MARCHF1: variants seen among roughly 807,000 people sequenced by gnomAD.
MARCHF1 encodes membrane associated ring-CH-type finger 1.
MARCHF1 carries 40 observed loss-of-function variants against 54.2 expected under a neutral mutation model. The ratio of observed to expected loss-of-function variants is 0.74; its 90% CI spans 0.57 to 0.96. The LOEUF is 0.96. Among genes scored for constraint, MARCHF1 ranks in the 40% least tolerant of loss-of-function variants. The pLI is 0.00. For synonymous variants in MARCHF1, 236 were observed against 236.3 expected (o/e 1.00, Z 0.01); for missense variants, 586 against 656.5 (o/e 0.89, Z 1.17).
At chr4:163,731,184 T>C (rs1373754715) in intron 4 of MARCHF1, among the ~76,000 whole-genome samples, 2 of 152,196 alleles carry the variant, frequency 1.3e-5, no homozygotes, top group Non-Finnish European at 2.9e-5. Flanking sequence ...ATTCTCTTCA[T>C]AGTAGCTGGA....
chr4:164,048,471 A>C (rs1275576435), intron 2 of MARCHF1, among the ~76,000 whole-genome samples: 2 of 152,152 alleles, frequency 1.3e-5, no homozygotes, highest in Non-Finnish European at 2.9e-5. Context: ...TATCAAATGA[A>C]TCTTCGGCCA....
chr4:163,651,751 C>T (rs1284376179), intron 5 of MARCHF1, among the ~76,000 whole-genome samples: 1 of 151,448 alleles, frequency 6.6e-6, no homozygotes, highest in Non-Finnish European at 1.5e-5. Flanking sequence ...AATTTTGTTA[C>T]TTTTTCCTCC....
chr4:164,041,630 G>T (rs1754131162), intron 2 of MARCHF1, among the ~76,000 whole-genome samples: 1 of 152,134 alleles, frequency 6.6e-6, no homozygotes, highest in South Asian at 2.1e-4. Flanking sequence ...AGCTAGAGTT[G>T]TAGTCCTTAA....
chr4:164,079,875 A>G (rs1755060485), intron 2 of MARCHF1, among the ~76,000 whole-genome samples: 1 of 152,206 alleles, frequency 6.6e-6, no homozygotes, highest in African/African-American at 2.4e-5. Context: ...TACAGAAAGA[A>G]TGAATAATGT....
At chr4:163,894,548 C>A (rs1750733052) in intron 3 of MARCHF1, among the ~76,000 whole-genome samples, 1 of 98,332 alleles carries the variant, frequency 1.0e-5, no homozygotes, top group Non-Finnish European at 1.9e-5. Context: ...AAGAAATCTA[C>A]TCCTGCACAT....
At chr4:164,089,932 T>G (rs948470890) in intron 2 of MARCHF1, among the ~76,000 whole-genome samples, 5 of 151,628 alleles carry the variant, frequency 3.3e-5, no homozygotes, top group East Asian at 1.9e-4. Context: ...TTGAGCAAAT[T>G]TTAGTAAATT....
chr4:163,632,383 G>A (rs902758402), intron 5 of MARCHF1, among the ~76,000 whole-genome samples: 3 of 152,176 alleles, frequency 2.0e-5, no homozygotes, highest in African/African-American at 7.2e-5. Context: ...AGGTCAGTGG[G>A]TGCATGCACT....
chr4:163,962,812 T>C (rs1392922372), intron 3 of MARCHF1, among the ~76,000 whole-genome samples: 1 of 151,964 alleles, frequency 6.6e-6, no homozygotes, highest in Non-Finnish European at 1.5e-5. Context: ...ATAAGCTTTT[T>C]AAAGCGATTT....
intron 1 of MARCHF1, among the ~76,000 whole-genome samples, chr4:164,362,224 A>T (rs1170813369): frequency 6.6e-6 from 1 of 152,188 alleles, no homozygotes. Flanking sequence ...GTGTGTGATT[A>T]TATCTAAGAC....
In MARCHF1 at chr4:163,574,454, C is replaced by T. The variant is rs368101891; in HGVS notation, c.1191+11295G>A. Among the ~76,000 whole-genome samples the T allele has an allele frequency of 5.7e-3, 858 of 150,312 alleles. 5 individuals are homozygous for T. Among genetic ancestry groups the T allele is most frequent in the South Asian group, 0.04 (186 of 4,622 alleles). ...AGGGTTTTTATGGTTTTAGGTCTAA[C>T]GTTTAAGTCTTTAATCCATCTTGAA... On this transcript the variant is annotated intron_variant, in intron 8 of 9. Transcript: ENST00000514618.
chr4:164,242,849 G>A (rs1465477941), intron 1 of MARCHF1, among the ~76,000 whole-genome samples: 3 of 150,154 alleles, frequency 2.0e-5, no homozygotes, highest in Admixed American at 6.7e-5. Context: ...CTCAGGAGCC[G>A]ATGCGATCAA....
intron 1 of MARCHF1, among the ~76,000 whole-genome samples, chr4:164,140,902 T>C (rs1756516531): frequency 1.3e-5 from 2 of 152,182 alleles, no homozygotes; most frequent in South Asian, 4.1e-4. Context: ...CATGACCTCC[T>C]AAATTTTCTC....
chr4:163,873,397 C>A (rs945596116), intron 3 of MARCHF1, among the ~76,000 whole-genome samples: 4 of 152,338 alleles, frequency 2.6e-5, no homozygotes, highest in Middle Eastern at 3.4e-3. Flanking sequence ...CATTTTCTCT[C>A]ATCAGAGCCC....
intron 2 of MARCHF1, among the ~76,000 whole-genome samples, chr4:164,032,150 T>C (rs1429586548): frequency 6.6e-6 from 1 of 152,186 alleles, no homozygotes; most frequent in African/African-American, 2.4e-5. Context: ...CTGATGGTAG[T>C]TTGTATTTCT....
At chr4:164,166,626 T>A (rs28696232) in intron 1 of MARCHF1, among the ~76,000 whole-genome samples, 1 of 151,896 alleles carries the variant, frequency 6.6e-6, no homozygotes, top group Non-Finnish European at 1.5e-5. Context: ...CTATTTAGCA[T>A]AGTACTGGAA....
At chr4:163,584,621 A>G (rs1194425816) in intron 8 of MARCHF1, 2 of 152,252 alleles carry the variant, frequency 1.3e-5, no homozygotes, top group East Asian at 3.8e-4. Flanking sequence ...TTTGATAGCT[A>G]TAAACCATTT....
In MARCHF1 at chr4:164,093,058, A is replaced by T. The variant is rs112259048; in HGVS notation, c.-248+18530T>A. Among the ~76,000 whole-genome samples, 521 of 152,276 alleles carry T rather than the reference A, an allele frequency of 3.4e-3. 6 individuals are homozygous for T. The highest frequency in any genetic ancestry group is 0.012 in the African/African-American group (484 of 41,558). On this transcript the variant is annotated intron_variant, in intron 2 of 9. Transcript: ENST00000514618. ...TGGGTAAGATGGAATGCATGCTAGA[A>T]CAATGAAGTTATATTCAAACAGAAG... is the stretch of plus-strand genomic sequence containing the variant.
At chr4:164,301,089 T>C (rs1412985850) in intron 1 of MARCHF1, among the ~76,000 whole-genome samples, 1 of 152,058 alleles carries the variant, frequency 6.6e-6, no homozygotes, top group African/African-American at 2.4e-5. Flanking sequence ...TAACACCAGA[T>C]CTTAAAGTGC....
intron 1 of MARCHF1, among the ~76,000 whole-genome samples, chr4:164,198,848 G>C (rs565291880): frequency 2.0e-5 from 3 of 152,206 alleles, no homozygotes; most frequent in African/African-American, 7.2e-5. Flanking sequence ...TAAAATTCCA[G>C]ACAAATAGAA....
Sources: gnomAD v4.1 joint callset for allele counts (sites outside exome capture counted in the v4.1 genomes callset) on GRCh38, gnomAD v4.1.1 for gene constraint, MANE v1.5 for transcripts, NCBI Gene and HGNC (gene_info 2026-07-23, HGNC 2026-07-21) for gene names.